CTNNA3: variants seen among roughly 807,000 people sequenced by gnomAD.
CTNNA3 encodes the protein catenin alpha 3.
In CTNNA3, 76 loss-of-function variants were observed where a neutral mutation model predicts 95.7. That is an observed-to-expected ratio of 0.79 (90% CI 0.66 to 0.96). The LOEUF (loss-of-function observed/expected upper bound fraction) is 0.96, where lower values mean the gene tolerates loss of function less well. Among genes scored for constraint, CTNNA3 ranks in the 40% least tolerant of loss-of-function variants. The probability of loss-of-function intolerance (pLI) is 0.00; values close to 1 mark genes in which losing one functional copy is unlikely to be tolerated. For missense variants in CTNNA3, 1,191 were observed against 1,089.8 expected (o/e 1.09, Z -1.31); for synonymous variants, 431 against 374.4 (o/e 1.15, Z -1.74).
At chr10:66,527,449 A>G (rs1172299789) in intron 10 of CTNNA3, among the ~76,000 whole-genome samples, 4 of 152,244 alleles carry the variant, frequency 2.6e-5, no homozygotes, top group East Asian at 1.9e-4. Flanking sequence ...TGCAAAATAC[A>G]TTGTTGGTAT....
chr10:67,560,600 T>A (rs1222857811), intron 3 of CTNNA3, among the ~76,000 whole-genome samples: 4 of 152,192 alleles, frequency 2.6e-5, no homozygotes, highest in African/African-American at 9.7e-5. Flanking sequence ...AATAGGCAGC[T>A]AACATCATAA....
intron 13 of CTNNA3, among the ~76,000 whole-genome samples, chr10:66,129,830 T>C (rs1326088629): frequency 6.6e-6 from 1 of 151,870 alleles, no homozygotes; most frequent in Non-Finnish European, 1.5e-5. Context: ...GAACACACCA[T>C]AGGCACCCCC....
chr10:66,828,781 A>C (rs920044131), intron 7 of CTNNA3, among the ~76,000 whole-genome samples: 1 of 152,216 alleles, frequency 6.6e-6, no homozygotes, highest in African/African-American at 2.4e-5. Flanking sequence ...GGAGAGTCAT[A>C]GTCTGCCCAA....
chr10:67,645,479 A>G (rs1271510296), intron 2 of CTNNA3, among the ~76,000 whole-genome samples: 1 of 152,124 alleles, frequency 6.6e-6, no homozygotes, highest in Non-Finnish European at 1.5e-5. Context: ...TTCACCAGCC[A>G]TCTCCGAAAT....
chr10:67,043,141 T>C (rs904324212), intron 7 of CTNNA3, among the ~76,000 whole-genome samples: 3 of 150,862 alleles, frequency 2.0e-5, no homozygotes. Context: ...CTTTCTTTTT[T>C]TTTTTTTTTT....
intron 11 of CTNNA3, among the ~76,000 whole-genome samples, chr10:66,385,471 T>C (rs2092881923): frequency 6.6e-6 from 1 of 151,860 alleles, no homozygotes; most frequent in Admixed American, 6.6e-5. Flanking sequence ...CCAAAAAAAG[T>C]CCAGGACCAG....
rs115875160 is a variant in CTNNA3 at position 66,475,748 on chromosome 10, C to T, written c.1531+44869G>A. Among the ~76,000 whole-genome samples, 716 of 152,140 alleles carry T rather than the reference C, an allele frequency of 4.7e-3. 9 individuals are homozygous for T. Among genetic ancestry groups the T allele is most frequent in the African/African-American group, 0.016 (681 of 41,514 alleles). On this transcript the variant is annotated intron_variant, in intron 11 of 17. Transcript: ENST00000433211. Reference sequence around the variant, plus strand: ...GCGAGGCTATGGAAAGATAGTAATGCTTTTACACAGTTGATGGAAATGTAA... The same window carrying T: ...GCGAGGCTATGGAAAGATAGTAATGTTTTTACACAGTTGATGGAAATGTAA...
At chr10:67,238,706 A>G (rs1865601549) in intron 5 of CTNNA3, among the ~76,000 whole-genome samples, 1 of 151,058 alleles carries the variant, frequency 6.6e-6, no homozygotes, top group Admixed American at 6.6e-5. Context: ...GAACTTGATA[A>G]CTTGTTAATG....
intron 10 of CTNNA3, among the ~76,000 whole-genome samples, chr10:66,541,191 G>C (rs931467504): frequency 6.6e-6 from 1 of 152,038 alleles, no homozygotes; most frequent in African/African-American, 2.4e-5. Context: ...TCATTGTATA[G>C]GTGTGGCTTC....
At chr10:67,407,653 G>C (rs146005905) in intron 5 of CTNNA3, among the ~76,000 whole-genome samples, 4 of 152,112 alleles carry the variant, frequency 2.6e-5, no homozygotes, top group African/African-American at 7.2e-5. Flanking sequence ...ACATAATTGC[G>C]TATCTAGAAA....
intron 5 of CTNNA3, among the ~76,000 whole-genome samples, chr10:67,252,218 CAA>C (rs34502404): frequency 7.5e-4 from 65 of 87,166 alleles, no homozygotes; most frequent in African/African-American, 1.1e-3. Context: ...AACACTGTCT[CAA>C]AAAAAAAAAA....
chr10:67,250,844 G>A (rs1038569718), intron 5 of CTNNA3, among the ~76,000 whole-genome samples: 2 of 152,222 alleles, frequency 1.3e-5, no homozygotes, highest in African/African-American at 4.8e-5. Context: ...TGGCAAGGAT[G>A]TGGAGGAAAT....
intron 10 of CTNNA3, among the ~76,000 whole-genome samples, chr10:66,534,820 A>C (rs898673840): frequency 3.3e-5 from 5 of 151,666 alleles, no homozygotes; most frequent in African/African-American, 4.8e-5. Flanking sequence ...TTAAAATTAA[A>C]TTATTTATTT....
At chr10:66,376,603 T>C (rs893189300) in intron 12 of CTNNA3, among the ~76,000 whole-genome samples, 4 of 152,176 alleles carry the variant, frequency 2.6e-5, no homozygotes, top group African/African-American at 9.6e-5. Flanking sequence ...ATGGCTTATA[T>C]TTCATCATTT....
chr10:66,296,559 G>A (rs531349264), intron 12 of CTNNA3, among the ~76,000 whole-genome samples: 1 of 150,500 alleles, frequency 6.6e-6, no homozygotes, highest in East Asian at 2.0e-4. Flanking sequence ...GTGCATGCGT[G>A]TGTGTATATA....
chr10:67,621,773 G>GAAAA (rs1443029901), intron 2 of CTNNA3, among the ~76,000 whole-genome samples: 1 of 149,172 alleles, frequency 6.7e-6, no homozygotes, highest in Non-Finnish European at 1.5e-5. Flanking sequence ...GAAAAGAAAA[G>GAAAA]AAAACGGTCA....
chr10:67,580,665 T>C (rs1842356519), intron 3 of CTNNA3, among the ~76,000 whole-genome samples: 2 of 150,058 alleles, frequency 1.3e-5, no homozygotes, highest in Admixed American at 1.3e-4. Context: ...GCCATTTTCA[T>C]GATATTGATT....
intron 10 of CTNNA3, among the ~76,000 whole-genome samples, chr10:66,524,340 C>A (rs1048436030): frequency 2.0e-5 from 3 of 152,108 alleles, no homozygotes; most frequent in African/African-American, 7.2e-5. Context: ...ATGTTAATTA[C>A]CATAAATGCT....
intron 10 of CTNNA3, among the ~76,000 whole-genome samples, chr10:66,576,765 C>T (rs1242776318): frequency 6.6e-6 from 1 of 151,974 alleles, no homozygotes; most frequent in Non-Finnish European, 1.5e-5. Context: ...CATGTCTTTG[C>T]TATTGTGAAT....
Sources: allele counts gnomAD v4.1 joint callset (sites outside exome capture counted in the v4.1 genomes callset), GRCh38; gene constraint gnomAD v4.1.1; transcripts MANE v1.5; gene names NCBI Gene and HGNC (gene_info 2026-07-23, HGNC 2026-07-21).